The following SYT1 variants were observed in gnomAD, a reference collection of about 807,000 sequenced individuals.
The protein encoded by SYT1 is synaptotagmin-1.
Under a neutral mutation model 44.8 loss-of-function variants are expected in SYT1, and 8 were observed. The observed-to-expected ratio is 0.18, with a 90% CI of 0.10 to 0.32. The LOEUF (loss-of-function observed/expected upper bound fraction) is 0.32, where lower values mean the gene tolerates loss of function less well. SYT1 is among the 10% of genes least tolerant of loss of function. SYT1 has a pLI of 1.00. For synonymous variants in SYT1, 154 were observed against 188.8 expected (o/e 0.82, Z 1.51); for missense variants, 286 against 509.3 (o/e 0.56, Z 4.22).
intron 6 of SYT1, among the ~76,000 whole-genome samples, chr12:79,293,357 A>G: frequency 8.2e-6 from 1 of 121,990 alleles, no homozygotes; most frequent in Non-Finnish European, 1.7e-5. Flanking sequence ...AAATAAAATA[A>G]AATAAAATAA....
intron 3 of SYT1, among the ~76,000 whole-genome samples, chr12:79,198,075 T>C (rs188134850): frequency 1.3e-5 from 2 of 152,316 alleles, no homozygotes; most frequent in East Asian, 3.9e-4. Flanking sequence ...TTCTAACCTT[T>C]CAATAAAAAT....
intron 4 of SYT1, among the ~76,000 whole-genome samples, chr12:79,257,654 A>AT (rs1395369078): frequency 4.6e-5 from 7 of 152,008 alleles, no homozygotes; most frequent in Non-Finnish European, 1.0e-4. Context: ...CCCCCGGCTG[A>AT]TTTTTTGTAT....
rs895211111 is a variant in SYT1, at chr12:79,353,734, A to G, written c.928+115A>G. Reference sequence around the variant, plus strand: ...TTAATTGATCACAGTTCTCTTTCCTATGGAGCCTGGAAGCAGTCTCAGAAT... The same window carrying G: ...TTAATTGATCACAGTTCTCTTTCCTGTGGAGCCTGGAAGCAGTCTCAGAAT... On this transcript the variant is annotated intron_variant, in intron 9 of 10. Transcript: ENST00000261205. The G allele has an allele frequency of 2.3e-4, 181 of 799,136 alleles. 1 individual carries two copies. Among genetic ancestry groups the G allele is most frequent in the Non-Finnish European group, 2.6e-5 (12 of 461,560 alleles). The allele number at this position is 799,136 out of a possible 1,614,324, so 49.5% of individuals were successfully genotyped here.
rs141442572 is a variant in SYT1, at chr12:78,961,426, A to T, written c.-216-16373A>T. ...TCCCAGCACATTCCACACTTTAAAT[A>T]GTTCTTACCCTCTTAAATTCTAATG... On this transcript the variant is annotated intron_variant, in intron 1 of 10. Coordinates refer to ENST00000261205, the MANE Select transcript of SYT1 (RefSeq NM_005639.3). 4.0e-3 allele frequency among the ~76,000 whole-genome samples: 603 copies of T among 152,176 alleles called. 5 individuals carry two copies. Among genetic ancestry groups the T allele is most frequent in the African/African-American group, 0.014 (561 of 41,536 alleles).
intron 3 of SYT1, among the ~76,000 whole-genome samples, chr12:79,200,190 A>C (rs1295819409): frequency 6.6e-6 from 1 of 152,182 alleles, no homozygotes; most frequent in Non-Finnish European, 1.5e-5. Flanking sequence ...TTTCCAAGAC[A>C]TAGAAAGCAT....
chr12:79,408,782 A>G (rs1307892421), intron 9 of SYT1, among the ~76,000 whole-genome samples: 2 of 137,860 alleles, frequency 1.5e-5, no homozygotes, highest in African/African-American at 5.5e-5. Flanking sequence ...CTATGAGTCT[A>G]TTATTTCTCT....
Position 79,412,443 on chromosome 12 carries a change from T to C in SYT1, c.929-31630T>C, listed in dbSNP as rs113621480. On this transcript the variant is annotated intron_variant, in intron 9 of 10. Transcript: ENST00000261205. The stretch of plus-strand genomic sequence containing the variant: ...CAGGAAGCTGATCACTAGTCTCAGG[T>C]TTTTCTATGTATTGGGAGACTACTT... 3.4e-3 allele frequency among the ~76,000 whole-genome samples: 513 copies of C among 152,152 alleles called. 3 individuals carry two copies. Among genetic ancestry groups the C allele is most frequent in the Non-Finnish European group, 4.5e-3 (309 of 68,000 alleles).
chr12:79,284,044 T>C (rs545010695), intron 4 of SYT1, among the ~76,000 whole-genome samples: 27 of 152,048 alleles, frequency 1.8e-4, no homozygotes, highest in Non-Finnish European at 3.4e-4. Context: ...TCAGCAATCA[T>C]TGGTTCTAGT....
intron 3 of SYT1, among the ~76,000 whole-genome samples, chr12:79,162,021 T>G (rs1466772387): frequency 6.6e-6 from 1 of 152,148 alleles, no homozygotes; most frequent in African/African-American, 2.4e-5. Context: ...TTGAAATATG[T>G]GATCTTCTTA....
chr12:78,876,565 A>G (rs543929791), intron 1 of SYT1, among the ~76,000 whole-genome samples: 2 of 137,584 alleles, frequency 1.5e-5, no homozygotes, highest in East Asian at 4.4e-4. Flanking sequence ...GTGTATATAT[A>G]TACACACATA....
chr12:79,227,905 C>T (rs902770475), intron 4 of SYT1, among the ~76,000 whole-genome samples: 5 of 152,094 alleles, frequency 3.3e-5, no homozygotes, highest in African/African-American at 1.2e-4. Flanking sequence ...GTCAGTCACC[C>T]AAATTGAGAA....
At chr12:79,151,489 T>C (rs1157973107) in intron 3 of SYT1, among the ~76,000 whole-genome samples, 2 of 152,144 alleles carry the variant, frequency 1.3e-5, no homozygotes, top group African/African-American at 2.4e-5. Context: ...AGCTAATACA[T>C]TTGAAATTGA....
intron 3 of SYT1, among the ~76,000 whole-genome samples, chr12:79,180,656 G>C (rs980107129): frequency 1.3e-5 from 2 of 151,766 alleles, no homozygotes; most frequent in African/African-American, 4.8e-5. Context: ...GAGAGTGAAG[G>C]GGGAGGTGCC....
At chr12:79,199,458 T>C (rs1873652645) in intron 3 of SYT1, among the ~76,000 whole-genome samples, 1 of 152,180 alleles carries the variant, frequency 6.6e-6, no homozygotes, top group Admixed American at 6.6e-5. Context: ...AGTTACAATA[T>C]GTGCCCCATA....
intron 3 of SYT1, among the ~76,000 whole-genome samples, chr12:79,155,603 C>T (rs1870546030): frequency 6.6e-6 from 1 of 152,164 alleles, no homozygotes; most frequent in Non-Finnish European, 1.5e-5. Context: ...AGTGATGTCC[C>T]TAAATAACAC....
intron 9 of SYT1, among the ~76,000 whole-genome samples, chr12:79,416,761 C>G (rs1246122839): frequency 6.6e-6 from 1 of 152,200 alleles, no homozygotes; most frequent in East Asian, 1.9e-4. Context: ...ATTTGAAATG[C>G]ATTTCTGCTT....
intron 9 of SYT1, among the ~76,000 whole-genome samples, chr12:79,374,060 C>T (rs1018037786): frequency 6.6e-6 from 1 of 152,186 alleles, no homozygotes; most frequent in African/African-American, 2.4e-5. Flanking sequence ...GTGCAGGCCC[C>T]TCTGGCACCC....
intron 1 of SYT1, among the ~76,000 whole-genome samples, chr12:78,943,460 G>C (rs529381928): frequency 6.6e-6 from 1 of 152,224 alleles, no homozygotes; most frequent in South Asian, 2.1e-4. Flanking sequence ...TAAACAAATA[G>C]ATTTCTTATG....
intron 9 of SYT1, among the ~76,000 whole-genome samples, chr12:79,387,385 T>A (rs773723591): frequency 6.6e-6 from 1 of 152,198 alleles, no homozygotes; most frequent in Non-Finnish European, 1.5e-5. Context: ...TTAGTTCTAG[T>A]CTCAAGTCTA....
Sources: gnomAD v4.1 joint callset for allele counts (sites outside exome capture counted in the v4.1 genomes callset) on GRCh38, gnomAD v4.1.1 for gene constraint, MANE v1.5 for transcripts, NCBI Gene and HGNC (gene_info 2026-07-23, HGNC 2026-07-21) for gene names.